The following CTNND2 variants were observed in gnomAD, a reference collection of about 807,000 sequenced individuals.
CTNND2 encodes catenin delta 2.
A neutral mutation model predicts 144.4 loss-of-function variants in CTNND2; 22 were observed. The observed-to-expected ratio is 0.15, with a 90% CI of 0.11 to 0.22. The LOEUF is 0.22. Ranked by LOEUF, CTNND2 falls within the 10% of genes least tolerant of loss-of-function variation. The pLI is 1.00. For synonymous variants in CTNND2, 751 were observed against 695.6 expected, an observed-to-expected ratio of 1.08 and a Z score of -1.25; for missense variants, 1,353 against 1,618.8, an observed-to-expected ratio of 0.84 and a Z score of 2.82.
At chr5:11,119,388 C>A (rs551122709) in intron 12 of CTNND2, among the ~76,000 whole-genome samples, 1 of 152,084 alleles carries the variant, frequency 6.6e-6, no homozygotes, top group Non-Finnish European at 1.5e-5. Flanking sequence ...CGAATATAAA[C>A]AAAATTTCTC....
chr5:11,115,890 A>G (rs903250924), intron 13 of CTNND2, among the ~76,000 whole-genome samples: 1 of 151,740 alleles, frequency 6.6e-6, no homozygotes, highest in Non-Finnish European at 1.5e-5. Flanking sequence ...GTCAGGGTTG[A>G]GAAGTGCTAT....
chr5:11,364,651 C>A, intron 8 of CTNND2, 45 bp downstream of exon 8: 2 of 1,519,186 alleles, frequency 1.3e-6, no homozygotes. Context: ...CGCGCAGAGC[C>A]CACCCCCTGT....
intron 1 of CTNND2, among the ~76,000 whole-genome samples, chr5:11,872,761 T>G (rs1305432356): frequency 6.6e-6 from 1 of 152,162 alleles, no homozygotes; most frequent in Non-Finnish European, 1.5e-5. Context: ...TTAAGTTCCT[T>G]GCAGATTCTG....
intron 2 of CTNND2, among the ~76,000 whole-genome samples, chr5:11,706,290 GACAAA>G (rs1166432247): frequency 6.6e-6 from 1 of 152,140 alleles, no homozygotes; most frequent in Non-Finnish European, 1.5e-5. Flanking sequence ...TTAGGCCAAA[GACAAA>G]ACAAAAGCAA....
rs143596172 is a variant in CTNND2, at chr5:11,002,409, C to T, written c.3085-9732G>A. On this transcript the variant is annotated intron_variant, in intron 18 of 21. Coordinates refer to ENST00000304623, the MANE Select transcript of CTNND2 (RefSeq NM_001332.4). ...GAGTTGAGCAGGTGAGAGCACCCTA[C>T]TTCTGCTGAATCACAGAAAGGATGG... Among the ~76,000 whole-genome samples, 159 of 152,358 alleles carry T rather than the reference C, an allele frequency of 1.0e-3. 1 individual carries two copies. Among genetic ancestry groups the T allele is most frequent in the African/African-American group, 3.7e-3 (152 of 41,582 alleles).
intron 2 of CTNND2, among the ~76,000 whole-genome samples, chr5:11,599,244 T>G (rs368099010): frequency 6.6e-6 from 1 of 152,220 alleles, no homozygotes; most frequent in African/African-American, 2.4e-5. Flanking sequence ...ACATCAAAAA[T>G]GTATGGGACA....
At chr5:11,246,630 G>C (rs1378291121) in intron 9 of CTNND2, among the ~76,000 whole-genome samples, 1 of 148,738 alleles carries the variant, frequency 6.7e-6, no homozygotes, top group East Asian at 2.0e-4. Context: ...GTGGTGCTTT[G>C]CTATGGCCAC....
chr5:11,582,241 C>A lies in CTNND2; in HGVS notation c.175-17185G>T, dbSNP rs540392390. On this transcript the variant is annotated intron_variant, in intron 2 of 21. Coordinates refer to ENST00000304623, the MANE Select transcript of CTNND2 (RefSeq NM_001332.4). Reference sequence around the variant, plus strand: ...GCTTTTAATTTTGCAGTTATGGAAACTGAAGTGGAGAGAGATTAACTGACT... The same window carrying A: ...GCTTTTAATTTTGCAGTTATGGAAAATGAAGTGGAGAGAGATTAACTGACT... Among the ~76,000 whole-genome samples, 7 of 152,290 alleles carry A rather than the reference C, an allele frequency of 4.6e-5. No homozygotes were observed. In the South Asian group the frequency reaches 1.5e-3, roughly 32 times the overall value.
At chr5:11,864,968 C>T (rs1035878061) in intron 1 of CTNND2, among the ~76,000 whole-genome samples, 1 of 144,886 alleles carries the variant, frequency 6.9e-6, no homozygotes, top group Admixed American at 7.1e-5. Context: ...GATCTCAGCT[C>T]ACTGCAACCT....
intron 2 of CTNND2, among the ~76,000 whole-genome samples, chr5:11,640,992 G>A (rs984661649): frequency 2.0e-5 from 3 of 151,994 alleles, no homozygotes; most frequent in African/African-American, 4.8e-5. Context: ...CAATATGTTC[G>A]TTAATAAAAC....
intron 16 of CTNND2, among the ~76,000 whole-genome samples, chr5:11,055,771 G>C (rs1378117169): frequency 6.6e-6 from 1 of 152,160 alleles, no homozygotes; most frequent in Non-Finnish European, 1.5e-5. Context: ...GTGATCTTTG[G>C]CTCATGTAGG....
chr5:11,205,153 A>T (rs567976891), intron 10 of CTNND2, among the ~76,000 whole-genome samples: 1 of 152,220 alleles, frequency 6.6e-6, no homozygotes, highest in African/African-American at 2.4e-5. Context: ...AATTTTAATA[A>T]TAGTGTGCAA....
At chr5:11,487,077 T>C (rs190602774) in intron 3 of CTNND2, among the ~76,000 whole-genome samples, 1 of 152,338 alleles carries the variant, frequency 6.6e-6, no homozygotes, top group East Asian at 1.9e-4. Flanking sequence ...TATTCACTTT[T>C]GTATTGGTAA....
In CTNND2 at chr5:11,454,649, T is replaced by C. The variant is rs180969627; in HGVS notation, c.288-42580A>G. Among the ~76,000 whole-genome samples, 79 of 151,986 alleles carry C rather than the reference T, an allele frequency of 5.2e-4. 1 individual carries two copies. In the East Asian group the frequency reaches 0.015, roughly 28 times the overall value. On this transcript the variant is annotated intron_variant, in intron 3 of 21. Transcript: ENST00000304623. ...TCTTGCTCTGTTGCCCAGGCTGCAGTGCAGTGGCACGATCTCAGCTCACTG... is the reference window on the plus strand; with the variant it reads ...TCTTGCTCTGTTGCCCAGGCTGCAGCGCAGTGGCACGATCTCAGCTCACTG...
chr5:11,512,325 G>A (rs56062235), intron 3 of CTNND2, among the ~76,000 whole-genome samples: 84 of 152,210 alleles, frequency 5.5e-4, no homozygotes, highest in Non-Finnish European at 1.0e-3. Context: ...TCTATAATCC[G>A]TCTCTACACA....
At chr5:11,449,912 A>G (rs1049906104) in intron 3 of CTNND2, among the ~76,000 whole-genome samples, 10 of 152,236 alleles carry the variant, frequency 6.6e-5, no homozygotes, top group African/African-American at 2.4e-4. Context: ...TCTTCTAGAT[A>G]AAATGTCAGT....
intron 7 of CTNND2, among the ~76,000 whole-genome samples, chr5:11,382,812 C>T (rs372656955): frequency 2.6e-5 from 4 of 152,160 alleles, no homozygotes; most frequent in Middle Eastern, 3.4e-3. Flanking sequence ...AACTTCACAA[C>T]GCCTCGAATG....
intron 16 of CTNND2, among the ~76,000 whole-genome samples, chr5:11,035,812 A>T (rs1318232382): frequency 2.0e-5 from 3 of 151,738 alleles, no homozygotes; most frequent in African/African-American, 2.4e-5. Context: ...GAAGAAGTGA[A>T]CCTTATTTGT....
intron 2 of CTNND2, among the ~76,000 whole-genome samples, chr5:11,637,507 T>A (rs1432001023): frequency 6.6e-6 from 1 of 152,192 alleles, no homozygotes; most frequent in Admixed American, 6.5e-5. Flanking sequence ...GTTACTTTTT[T>A]AAATTGCTTA....
Sources: allele counts gnomAD v4.1 joint callset (sites outside exome capture counted in the v4.1 genomes callset), GRCh38; gene constraint gnomAD v4.1.1; transcripts MANE v1.5; gene names NCBI Gene and HGNC (gene_info 2026-07-23, HGNC 2026-07-21).